ITPR1: variants seen among roughly 807,000 people sequenced by gnomAD.
ITPR1 encodes the protein inositol 1,4,5-trisphosphate-gated calcium channel ITPR1.
Under a neutral mutation model 318.4 loss-of-function variants are expected in ITPR1, and 96 were observed. That is an observed-to-expected ratio of 0.30 (90% CI 0.26 to 0.36). ITPR1 has a LOEUF of 0.36. ITPR1 is among the 10% of genes least tolerant of loss of function. The probability of loss-of-function intolerance (pLI) is 1.00; values close to 1 mark genes in which losing one functional copy is unlikely to be tolerated. For synonymous variants in ITPR1, 1,312 were observed against 1,289.9 expected, an observed-to-expected ratio of 1.02 and a Z score of -0.37; for missense variants, 2,440 against 3,460.2, an observed-to-expected ratio of 0.71 and a Z score of 7.40.
chr3:4,674,387 G>C (rs189933071), intron 22 of ITPR1, 44 bp downstream of exon 22: 1 of 1,530,182 alleles, frequency 6.5e-7, no homozygotes, highest in East Asian at 2.3e-5. Flanking sequence ...CTGCCTCTCA[G>C]TGGTCATTTT....
At chr3:4,614,999 T>A (rs2092327753) in intron 4 of ITPR1, among the ~76,000 whole-genome samples, 1 of 152,210 alleles carries the variant, frequency 6.6e-6, no homozygotes, top group South Asian at 2.1e-4. Flanking sequence ...AAAAGGAAAC[T>A]GTTCAAGAAT....
At chr3:4,834,704 GT>G (rs2050768283) in intron 60 of ITPR1, among the ~76,000 whole-genome samples, 1 of 152,226 alleles carries the variant, frequency 6.6e-6, no homozygotes, top group Non-Finnish European at 1.5e-5. Flanking sequence ...GATGAGTACA[GT>G]CAACGATAGG....
chr3:4,623,602 C>T (rs181683677), intron 4 of ITPR1, among the ~76,000 whole-genome samples: 14 of 152,296 alleles, frequency 9.2e-5, no homozygotes, highest in Admixed American at 6.5e-4. Context: ...CATTTCTATA[C>T]TTAGCAGAGT....
chr3:4,804,086 G>C (rs981529924), intron 54 of ITPR1, among the ~76,000 whole-genome samples: 5 of 152,172 alleles, frequency 3.3e-5, no homozygotes, highest in Admixed American at 2.0e-4. Context: ...TGCCCAGGCT[G>C]GTCGCGAACT....
intron 5 of ITPR1, 135 bp from the exon 6 acceptor site, chr3:4,639,249 C>G: frequency 1.5e-6 from 1 of 663,890 alleles, no homozygotes; most frequent in Admixed American, 2.6e-5. Flanking sequence ...TTTCTTGAAG[C>G]CTCAGGGTGT....
intron 60 of ITPR1, among the ~76,000 whole-genome samples, chr3:4,819,358 A>C (rs554918926): frequency 8.5e-5 from 13 of 152,304 alleles, no homozygotes; most frequent in African/African-American, 2.9e-4. Context: ...ATGCTTCTCA[A>C]ATTTTATTGT....
At chr3:4,807,691 A>T (rs1296334448) in intron 55 of ITPR1, among the ~76,000 whole-genome samples, 1 of 152,228 alleles carries the variant, frequency 6.6e-6, no homozygotes, top group Non-Finnish European at 1.5e-5. Context: ...CTTTTCCCTC[A>T]TCTTAAAATA....
intron 31 of ITPR1, among the ~76,000 whole-genome samples, chr3:4,690,178 G>A (rs1176694768): frequency 1.3e-5 from 2 of 152,184 alleles, no homozygotes; most frequent in Non-Finnish European, 2.9e-5. Context: ...TGGAGGCTGA[G>A]GCAGGAGAAT....
At chr3:4,533,449 C>T (rs1408960760) in intron 4 of ITPR1, among the ~76,000 whole-genome samples, 1 of 152,204 alleles carries the variant, frequency 6.6e-6, no homozygotes, top group Non-Finnish European at 1.5e-5. Context: ...TGGTGAATAA[C>T]ACTGTGGAGC....
intron 4 of ITPR1, among the ~76,000 whole-genome samples, chr3:4,611,918 C>T (rs1309303988): frequency 3.3e-5 from 5 of 150,800 alleles, no homozygotes; most frequent in African/African-American, 1.2e-4. Flanking sequence ...TCTCCATGCA[C>T]AGTGGCTTTC....
In ITPR1 at chr3:4,800,576, G is replaced by T; in HGVS notation, c.7083G>T (p.Thr2361=). Residue 2361 remains threonine, a synonymous_variant, in exon 54 of 62, where the codon ACG becomes ACT. Transcript: ENST00000649015. ...RLIFSVGLQP[T]LFLLGAFNVC... is the part of the protein sequence containing the mutation. ...TATTTTCAGTCGGGTTACAACCCAC[G>T]TTGTTTCTTCTGGGCGCTTTCAATG... 6 of 1,614,020 alleles carry T rather than the reference G, an allele frequency of 3.7e-6. No individual in the cohort carries two copies. The highest frequency in any genetic ancestry group is 3.4e-6 in the Non-Finnish European group (4 of 1,179,884).
chr3:4,619,582 C>T (rs1298220158), intron 4 of ITPR1, among the ~76,000 whole-genome samples: 1 of 108,736 alleles, frequency 9.2e-6, no homozygotes, highest in Non-Finnish European at 1.8e-5. Flanking sequence ...CCCCTTCCCC[C>T]TTCCCCTGCC....
At chr3:4,702,350 CAGTT>C (rs1308597689) in intron 35 of ITPR1, among the ~76,000 whole-genome samples, 1 of 152,144 alleles carries the variant, frequency 6.6e-6, no homozygotes, top group African/African-American at 2.4e-5. Flanking sequence ...ATCCACGTAT[CAGTT>C]TGTTTTTGCT....
intron 26 of ITPR1, 140 bp from the exon 27 acceptor site, chr3:4,683,246 G>C (rs906950084): frequency 6.6e-5 from 51 of 774,138 alleles, no homozygotes; most frequent in African/African-American, 5.4e-4. Flanking sequence ...TATTGTTAAA[G>C]GAGCTAATGA....
At chr3:4,842,030 G>C (rs2051382401) in intron 61 of ITPR1, among the ~76,000 whole-genome samples, 1 of 152,192 alleles carries the variant, frequency 6.6e-6, no homozygotes, top group Non-Finnish European at 1.5e-5. Flanking sequence ...GCTTTTCAAA[G>C]ACTATTAAGA....
rs570364996 is a variant in ITPR1, at chr3:4,509,064, T to G, written c.-16-7412T>G. On this transcript the variant is annotated intron_variant, in intron 2 of 61. Transcript: ENST00000649015. ...TTTTCATTTCAGACTCATTCAGACA[T>G]ACAGAAAGTGAGCATAAAGGGCCAA... Among the ~76,000 whole-genome samples the G allele has an allele frequency of 1.3e-4, 20 of 152,338 alleles. No individual in the cohort carries two copies. The South Asian group carries it at 3.9e-3, about 30-fold the overall frequency.
intron 2 of ITPR1, among the ~76,000 whole-genome samples, chr3:4,504,049 G>T (rs114550565): frequency 6.6e-6 from 1 of 151,902 alleles, no homozygotes; most frequent in Non-Finnish European, 1.5e-5. Context: ...TTTTCTACCC[G>T]TAAATTAAAG....
At chr3:4,514,955 C>T (rs55742503) in intron 2 of ITPR1, among the ~76,000 whole-genome samples, 32,006 of 152,132 alleles carry the variant, frequency 0.21, 3,964 homozygotes, top group Admixed American at 0.31. Flanking sequence ...ACTTGGCAAA[C>T]CGTCCTTCTG....
intron 56 of ITPR1, 32 bp from the exon 57 acceptor site, chr3:4,813,110 T>C (rs2106489745): frequency 6.5e-7 from 1 of 1,544,796 alleles, no homozygotes; most frequent in Non-Finnish European, 9.0e-7. Context: ...GCTGCCAGAT[T>C]GTTCATCATA....
Sources: gnomAD v4.1 joint callset for allele counts (sites outside exome capture counted in the v4.1 genomes callset) on GRCh38, gnomAD v4.1.1 for gene constraint, MANE v1.5 for transcripts, NCBI Gene and HGNC (gene_info 2026-07-23, HGNC 2026-07-21) for gene names.